CSMD3: variants seen among roughly 807,000 people sequenced by gnomAD.
CSMD3 encodes CUB and sushi domain-containing protein 3.
CSMD3 carries 177 observed loss-of-function variants against 435.2 expected under a neutral mutation model. The ratio of observed to expected loss-of-function variants is 0.41; its 90% CI spans 0.36 to 0.46. The LOEUF (loss-of-function observed/expected upper bound fraction) is 0.46, where lower values mean the gene tolerates loss of function less well. Among genes scored for constraint, CSMD3 ranks in the 20% least tolerant of loss-of-function variants. The probability of loss-of-function intolerance (pLI) is 0.34; values close to 1 mark genes in which losing one functional copy is unlikely to be tolerated. For synonymous variants in CSMD3, 1,656 were observed against 1,520.5 expected, an observed-to-expected ratio of 1.09 and a Z score of -2.07; for missense variants, 4,265 against 4,504.6, an observed-to-expected ratio of 0.95 and a Z score of 1.52.
chr8:112,437,451 C>A (rs904128572), intron 32 of CSMD3, among the ~76,000 whole-genome samples: 24 of 151,984 alleles, frequency 1.6e-4, no homozygotes, highest in African/African-American at 5.6e-4. Flanking sequence ...GCCTTTGTCA[C>A]GACGGAATAT....
At chr8:112,773,476 T>C (rs1449426915) in intron 13 of CSMD3, among the ~76,000 whole-genome samples, 2 of 152,000 alleles carry the variant, frequency 1.3e-5, no homozygotes, top group African/African-American at 4.8e-5. Context: ...GGTAATAAGT[T>C]GAAATAACAC....
rs562562215 is a variant in CSMD3, at chr8:113,179,105, C to T, written c.515-5189G>A. Among the ~76,000 whole-genome samples the T allele has an allele frequency of 5.3e-5, 8 of 151,424 alleles. No homozygotes were observed. The South Asian group carries it at 6.2e-4, about 12-fold the overall frequency. ...GTTGAGTGGGAAAATTGTGATAAAA[C>T]GGATTATCAAAATTAATTTTAAAAA... On this transcript the variant is annotated intron_variant, in intron 3 of 70. Coordinates refer to ENST00000297405, the MANE Select transcript of CSMD3 (RefSeq NM_198123.2).
chr8:112,825,243 G>C (rs1017123404), intron 12 of CSMD3, among the ~76,000 whole-genome samples: 1 of 151,952 alleles, frequency 6.6e-6, no homozygotes, highest in Admixed American at 6.6e-5. Context: ...TTTGTATTTG[G>C]TTAGAACGTG....
intron 10 of CSMD3, among the ~76,000 whole-genome samples, chr8:112,894,445 A>G (rs924796188): frequency 6.6e-6 from 1 of 151,352 alleles, no homozygotes; most frequent in South Asian, 2.1e-4. Flanking sequence ...ATAGACAAAA[A>G]TATTAGTATA....
At chr8:112,517,345 A>G (rs1182743935) in intron 27 of CSMD3, 120 bp from the exon 28 acceptor site, 1 of 657,150 alleles carries the variant, frequency 1.5e-6, no homozygotes, top group Non-Finnish European at 2.6e-6. Context: ...ATGCTATACA[A>G]TAAACACTTT....
intron 25 of CSMD3, among the ~76,000 whole-genome samples, chr8:112,554,930 A>T (rs907860641): frequency 2.6e-5 from 4 of 151,998 alleles, no homozygotes; most frequent in African/African-American, 9.6e-5. Context: ...TAATGAGCAC[A>T]GGCTATTATA....
At chr8:112,452,245 T>C (rs1816367302) in intron 32 of CSMD3, among the ~76,000 whole-genome samples, 1 of 152,212 alleles carries the variant, frequency 6.6e-6, no homozygotes, top group African/African-American at 2.4e-5. Context: ...ACATATTTTA[T>C]TCAGTACTGG....
At position 112,325,960 on chromosome 8, in the gene CSMD3, T is replaced by C. The variant is rs546064482; in HGVS notation, c.7166-5979A>G. 1.5e-4 allele frequency among the ~76,000 whole-genome samples: 23 copies of C among 152,290 alleles called. No homozygotes were observed. In the East Asian group the frequency reaches 1.7e-3, roughly 11 times the overall value. The stretch of plus-strand genomic sequence containing the variant: ...AATACTGTCTGGCACATTTTAAGCT[T>C]ATCTTTCAATAAGAATAAACCACTA... On this transcript the variant is annotated intron_variant, in intron 45 of 70. Transcript: ENST00000297405.
chr8:113,043,159 A>G lies in CSMD3; in HGVS notation c.918-23980T>C, dbSNP rs183014308. 5.9e-3 allele frequency among the ~76,000 whole-genome samples: 902 copies of G among 152,348 alleles called. 4 individuals carry two copies. The highest frequency in any genetic ancestry group is 0.019 in the African/African-American group (802 of 41,598). On this transcript the variant is annotated intron_variant, in intron 5 of 70. Transcript: ENST00000297405. The stretch of plus-strand genomic sequence containing the variant: ...TAAAATCAGTGGTACTCAAACACAT[A>G]CATAATAGGTCACCCTTAAATACAA...
chr8:113,159,119 T>C (rs1386951693), intron 4 of CSMD3, among the ~76,000 whole-genome samples: 2 of 152,022 alleles, frequency 1.3e-5, no homozygotes, highest in African/African-American at 4.8e-5. Context: ...TGTTTACAAA[T>C]ATTTTTGTTC....
At chr8:112,871,412 A>C (rs2081131535) in intron 10 of CSMD3, among the ~76,000 whole-genome samples, 1 of 152,186 alleles carries the variant, frequency 6.6e-6, no homozygotes, top group African/African-American at 2.4e-5. Context: ...AAAGCATTTG[A>C]GGCTTAATCT....
At chr8:112,429,993 A>C (rs549979115) in intron 32 of CSMD3, among the ~76,000 whole-genome samples, 63 of 152,128 alleles carry the variant, frequency 4.1e-4, no homozygotes, top group African/African-American at 1.5e-3. Flanking sequence ...GGATTAAAAA[A>C]CAGTAGTGTC....
chr8:113,121,510 C>T (rs1194005522), intron 4 of CSMD3, among the ~76,000 whole-genome samples: 1 of 152,116 alleles, frequency 6.6e-6, no homozygotes, highest in Non-Finnish European at 1.5e-5. Flanking sequence ...AAGGGAGCTT[C>T]TCCCTAAGGA....
chr8:113,152,166 G>T (rs552971663), intron 4 of CSMD3, among the ~76,000 whole-genome samples: 1 of 151,918 alleles, frequency 6.6e-6, no homozygotes, highest in Non-Finnish European at 1.5e-5. Flanking sequence ...AGGTTTTGGG[G>T]ATACTAGATG....
intron 13 of CSMD3, among the ~76,000 whole-genome samples, chr8:112,700,325 A>T (rs2131872879): frequency 6.6e-6 from 1 of 152,024 alleles, no homozygotes; most frequent in South Asian, 2.1e-4. Flanking sequence ...ACATGGAGAA[A>T]CCCCGTCTCT....
chr8:112,521,080 C>T (rs1344905668), intron 27 of CSMD3, among the ~76,000 whole-genome samples: 1 of 151,992 alleles, frequency 6.6e-6, no homozygotes, highest in Admixed American at 6.6e-5. Flanking sequence ...ATCACTAGCA[C>T]ATTGGATCAT....
rs1820238120 is a variant in CSMD3, at chr8:112,296,086, A to C, written c.8441-80T>G. 1.8e-6 allele frequency: 2 copies of C among 1,139,680 alleles called. 1 individual carries two copies. The highest frequency in any genetic ancestry group is 2.6e-6 in the Non-Finnish European group (2 of 775,402). The allele number at this position is 1,139,680 out of a possible 1,614,324, so 70.6% of individuals were successfully genotyped here. A position where few individuals can be genotyped will look rare whatever the true frequency, so the allele number is the denominator to read the frequency against. ...ATTTATATACATGTGGAACATGAGCAAACCTTTAAAGTTGTCTTAAAAGCA... is the reference window on the plus strand; with the variant it reads ...ATTTATATACATGTGGAACATGAGCCAACCTTTAAAGTTGTCTTAAAAGCA... On this transcript the variant is annotated intron_variant, in intron 53 of 70. Transcript: ENST00000297405.
At chr8:112,442,535 T>C (rs1815143268) in intron 32 of CSMD3, among the ~76,000 whole-genome samples, 1 of 152,196 alleles carries the variant, frequency 6.6e-6, no homozygotes, top group African/African-American at 2.4e-5. Flanking sequence ...ATCACAAAGA[T>C]ATTTTTCTTT....
chr8:112,734,936 G>C (rs973389464), intron 13 of CSMD3, among the ~76,000 whole-genome samples: 5 of 151,966 alleles, frequency 3.3e-5, no homozygotes, highest in Admixed American at 3.3e-4. Flanking sequence ...AGGCTGCACA[G>C]GGAAAGGTGC....
Sources: allele counts gnomAD v4.1 joint callset (sites outside exome capture counted in the v4.1 genomes callset), GRCh38; gene constraint gnomAD v4.1.1; transcripts MANE v1.5; gene names NCBI Gene and HGNC (gene_info 2026-07-23, HGNC 2026-07-21).